SLC9A3: variants seen among roughly 807,000 people sequenced by gnomAD.
The protein encoded by SLC9A3 is solute carrier family 9 member A3.
A neutral mutation model predicts 86.8 loss-of-function variants in SLC9A3; 37 were observed. The observed-to-expected ratio is 0.43, with a 90% CI of 0.33 to 0.56. SLC9A3 has a LOEUF of 0.56. Ranked by LOEUF, SLC9A3 falls within the 20% of genes least tolerant of loss-of-function variation. The probability of loss-of-function intolerance (pLI) is 0.06; values close to 1 mark genes in which losing one functional copy is unlikely to be tolerated. For missense variants in SLC9A3, 1,011 were observed against 1,171.9 expected (o/e 0.86, Z 2.00); for synonymous variants, 581 against 528.3 (o/e 1.10, Z -1.37).
At chr5:504,265 G>A (rs1471534749) in intron 1 of SLC9A3, among the ~76,000 whole-genome samples, 2 of 152,110 alleles carry the variant, frequency 1.3e-5, no homozygotes, top group Admixed American at 6.5e-5. Context: ...AGGGGCACAC[G>A]TCTCCCCGTG....
At chr5:520,880 CCCA>C (rs1733866550) in intron 1 of SLC9A3, among the ~76,000 whole-genome samples, 1 of 152,170 alleles carries the variant, frequency 6.6e-6, no homozygotes, top group South Asian at 2.1e-4. Context: ...CCAGAGGAAG[CCCA>C]GGAAGGAAGG....
At chr5:517,665 T>A (rs1733771166) in intron 1 of SLC9A3, among the ~76,000 whole-genome samples, 1 of 150,650 alleles carries the variant, frequency 6.6e-6, no homozygotes, top group Non-Finnish European at 1.5e-5. Context: ...CATTCATTCA[T>A]CCATCTATCC....
At chr5:520,885 G>A (rs141835660) in intron 1 of SLC9A3, among the ~76,000 whole-genome samples, 2,322 of 152,276 alleles carry the variant, frequency 0.015, 33 homozygotes, top group Non-Finnish European at 0.025. Context: ...GGAAGCCCAG[G>A]AAGGAAGGAA....
At chr5:487,812 C>CAT (rs1739540297) in intron 3 of SLC9A3, among the ~76,000 whole-genome samples, 2 of 152,190 alleles carry the variant, frequency 1.3e-5, no homozygotes, top group Non-Finnish European at 2.9e-5. Flanking sequence ...GGATTACAGG[C>CAT]GCGTGCCACC....
At chr5:480,489 G>GC (rs1389160131) in intron 9 of SLC9A3, 1 of 156,612 alleles carries the variant, frequency 6.4e-6, no homozygotes, top group African/African-American at 2.4e-5. Context: ...AGCCGCCAGA[G>GC]CCGCCCTCCA....
At chr5:488,553 T>A in intron 2 of SLC9A3, 77 bp from the exon 3 acceptor site, 1 of 1,398,516 alleles carries the variant, frequency 7.2e-7, no homozygotes, top group Non-Finnish European at 9.5e-7. Flanking sequence ...GGCGCTCGCC[T>A]ACGGGTCGGG....
At position 475,691 on chromosome 5, in the gene SLC9A3, G is replaced by A. The variant is rs1392336378; in HGVS notation, c.2141-20C>T. ...CCAAGTCTGGGGAAGACAGGTTGGG[G>A]TGAGGACTGGGGTCACTGGGGGGCT... On this transcript the variant is annotated intron_variant, in intron 14 of 16. Transcript: ENST00000264938. 8.6e-6 allele frequency: 12 copies of A among 1,399,738 alleles called. No homozygotes were observed. Among genetic ancestry groups the A allele is most frequent in the Middle Eastern group, 1.7e-4 (1 of 5,724 alleles). The allele number at this position is 1,399,738 out of a possible 1,614,324, so 86.7% of individuals were successfully genotyped here.
At chr5:522,739 CA>C (rs397960621) in intron 1 of SLC9A3, among the ~76,000 whole-genome samples, 2,962 of 98,026 alleles carry the variant, frequency 0.03, 74 homozygotes, top group African/African-American at 0.082. Context: ...AATTCTATCT[CA>C]AAAAAAAAAA....
In SLC9A3 at chr5:476,394, C is replaced by T. The variant is rs746731563; in HGVS notation, c.1891-16G>A. 38 of 1,613,126 alleles carry T rather than the reference C, an allele frequency of 2.4e-5. No homozygotes were observed. In the Admixed American group the frequency reaches 3.8e-4, roughly 16 times the overall value. On this transcript the variant is annotated splice_polypyrimidine_tract_variant and intron_variant, in intron 12 of 16. Coordinates refer to ENST00000264938, the MANE Select transcript of SLC9A3 (RefSeq NM_004174.4). ...GATGCTTGTACTGCGGGATCAGGCA[C>T]GGAGGTCACAGCTGTGCCCACCGCC...
intron 1 of SLC9A3, among the ~76,000 whole-genome samples, chr5:519,752 G>T (rs1422455908): frequency 6.6e-6 from 1 of 152,054 alleles, no homozygotes; most frequent in Non-Finnish European, 1.5e-5. Context: ...TAAGGAGGAG[G>T]TGCTGGAACC....
At chr5:494,050 T>C (rs1273938753) in intron 1 of SLC9A3, among the ~76,000 whole-genome samples, 1 of 152,240 alleles carries the variant, frequency 6.6e-6, no homozygotes, top group African/African-American at 2.4e-5. Flanking sequence ...CGCTCAGAGC[T>C]GGCCTGCAGG....
chr5:499,445 A>C (rs960187410), intron 1 of SLC9A3, among the ~76,000 whole-genome samples: 1 of 152,244 alleles, frequency 6.6e-6, no homozygotes, highest in Non-Finnish European at 1.5e-5. Flanking sequence ...GCCGGCACCA[A>C]CCAGGCCTGG....
chr5:477,509 G>T, intron 10 of SLC9A3, 65 bp from the exon 11 acceptor site: 1 of 1,246,654 alleles, frequency 8.0e-7, no homozygotes, highest in Non-Finnish European at 1.1e-6. Context: ...GCCATTGTGT[G>T]CCCTGGGGGG....
rs1213581431 is a variant in SLC9A3, at chr5:488,499, G to A, written c.515-23C>T. The A allele has an allele frequency of 2.0e-6, 3 of 1,523,872 alleles. No individual in the cohort carries two copies. In the African/African-American group the frequency reaches 4.2e-5, roughly 21 times the overall value. The allele number at this position is 1,523,872 out of a possible 1,614,324, so 94.4% of individuals were successfully genotyped here. A position where few individuals can be genotyped will look rare whatever the true frequency, so the allele number is the denominator to read the frequency against. On this transcript the variant is annotated intron_variant, in intron 2 of 16. Transcript: ENST00000264938. ...CGCCTGGAAGACAAGCCGGGCCGCG[G>A]GGCAGCTGCAGGGCCTGCCACCCGA...
chr5:476,288 G>A lies in SLC9A3; in HGVS notation c.1981C>T (p.Leu661=), dbSNP rs765146836. ...EIFHRTMRKR[L]ESFKSTKLGL... ...AGCTTGGTCGACTTGAAGGACTCCA[G>A]GCGCTTCCGCATGGTCCTGTGGAAG... Residue 661 remains leucine (L), a synonymous_variant, in exon 13 of 17, where the codon CTG becomes TTG. Transcript: ENST00000264938. 6.2e-7 allele frequency: 1 copy of A among 1,613,852 alleles called. No homozygotes were observed. Among genetic ancestry groups the A allele is most frequent in the African/African-American group, 1.3e-5 (1 of 74,932 alleles).
In SLC9A3 at chr5:476,953, C is replaced by T. The variant is rs942305919; in HGVS notation, c.1761-281G>A. On this transcript the variant is annotated intron_variant, in intron 11 of 16. Transcript: ENST00000264938. ...TCTCCAAAGCCCTGGCTGTAAGACT[C>T]GGGGACCCCAGCATCTGCACATCTG... is the stretch of plus-strand genomic sequence containing the variant. 2.6e-5 allele frequency among the ~76,000 whole-genome samples: 4 copies of T among 152,234 alleles called. No homozygotes were observed. In the East Asian group the frequency reaches 5.8e-4, roughly 22 times the overall value.
At chr5:503,117 A>T (rs1051120366) in intron 1 of SLC9A3, among the ~76,000 whole-genome samples, 1 of 152,268 alleles carries the variant, frequency 6.6e-6, no homozygotes, top group East Asian at 1.9e-4. Flanking sequence ...TCTCTGACAT[A>T]AAAACTCAAT....
intron 1 of SLC9A3, among the ~76,000 whole-genome samples, chr5:522,884 G>C (rs1733925484): frequency 5.9e-5 from 9 of 152,178 alleles, no homozygotes; most frequent in Admixed American, 5.9e-4. Flanking sequence ...ATGCCCCAGG[G>C]GCCCTTCTCA....
rs772134479 is a variant in SLC9A3 at position 473,144 on chromosome 5, C to CGGCGCA, written c.*234_*235insTGCGCC. ...GCGCACTCGGCAGCCCTCGGCGCTC[C>CGGCGCA]GGCCCCGCCCCCGGCGCAGGCCCCG... On this transcript the variant is annotated 3_prime_UTR_variant, in exon 17 of 17. Coordinates refer to ENST00000264938, the MANE Select transcript of SLC9A3 (RefSeq NM_004174.4). 4.1e-6 allele frequency: 1 copy of CGGCGCA among 244,168 alleles called. No individual in the cohort carries two copies. Among genetic ancestry groups the CGGCGCA allele is most frequent in the East Asian group, 7.9e-5 (1 of 12,634 alleles). The allele number at this position is 244,168 out of a possible 1,614,324, so 15.1% of individuals were successfully genotyped here.
Sources: allele counts gnomAD v4.1 joint callset (sites outside exome capture counted in the v4.1 genomes callset), GRCh38; gene constraint gnomAD v4.1.1; transcripts MANE v1.5; gene names NCBI Gene and HGNC (gene_info 2026-07-23, HGNC 2026-07-21).